CTNNA3: variants seen among roughly 807,000 people sequenced by gnomAD.
The protein encoded by CTNNA3 is catenin alpha-3.
A neutral mutation model predicts 95.7 loss-of-function variants in CTNNA3; 76 were observed. The observed-to-expected ratio is 0.79, with a 90% CI of 0.66 to 0.96. CTNNA3 has a LOEUF of 0.96. CTNNA3 is among the 40% of genes least tolerant of loss of function. The probability of loss-of-function intolerance (pLI) is 0.00; values close to 1 mark genes in which losing one functional copy is unlikely to be tolerated. For synonymous variants in CTNNA3, 431 were observed against 374.4 expected, an observed-to-expected ratio of 1.15 and a Z score of -1.74; for missense variants, 1,191 against 1,089.8, an observed-to-expected ratio of 1.09 and a Z score of -1.31.
chr10:66,716,680 C>G (rs764134304), intron 9 of CTNNA3, among the ~76,000 whole-genome samples: 1 of 152,080 alleles, frequency 6.6e-6, no homozygotes, highest in East Asian at 1.9e-4. Context: ...AGGACAAAGA[C>G]CTTTCTTTCC....
At chr10:67,641,905 G>A (rs1034133837) in intron 2 of CTNNA3, among the ~76,000 whole-genome samples, 17 of 152,186 alleles carry the variant, frequency 1.1e-4, no homozygotes, top group Middle Eastern at 3.4e-3. Context: ...TATACCTAAT[G>A]TAAATGACAA....
At chr10:66,587,212 A>C (rs979861307) in intron 10 of CTNNA3, among the ~76,000 whole-genome samples, 1 of 152,170 alleles carries the variant, frequency 6.6e-6, no homozygotes, top group Non-Finnish European at 1.5e-5. Flanking sequence ...TATTTAGCTA[A>C]GGTAATACTG....
rs533644047 is a variant in CTNNA3, at chr10:67,012,279, G to A, written c.1047+168038C>T. 5 of 152,246 alleles carry A rather than the reference G, an allele frequency of 3.3e-5. No individual in the cohort carries two copies. In the South Asian group the frequency reaches 6.2e-4, roughly 19 times the overall value. 9.4% of individuals were successfully genotyped at this position (152,246 alleles called of 1,614,324 possible). ...CTAGTCCAACCCATTCATTTCATGG[G>A]TAGAGAACTGAAACCCAGAGAAAAT... On this transcript the variant is annotated intron_variant, in intron 7 of 17. Coordinates refer to ENST00000433211, the MANE Select transcript of CTNNA3 (RefSeq NM_013266.4).
intron 5 of CTNNA3, among the ~76,000 whole-genome samples, chr10:67,456,595 G>A (rs1847180873): frequency 1.3e-5 from 2 of 152,114 alleles, no homozygotes; most frequent in Non-Finnish European, 2.9e-5. Context: ...CCACCCTTTA[G>A]GGTTCAAATG....
At chr10:66,389,920 G>C (rs938941275) in intron 11 of CTNNA3, among the ~76,000 whole-genome samples, 1 of 152,038 alleles carries the variant, frequency 6.6e-6, no homozygotes, top group African/African-American at 2.4e-5. Flanking sequence ...ATTTTTTATA[G>C]AGACAGGGTC....
intron 1 of CTNNA3, among the ~76,000 whole-genome samples, chr10:67,742,192 A>T (rs1841344014): frequency 1.3e-5 from 2 of 151,294 alleles, no homozygotes; most frequent in African/African-American, 2.4e-5. Context: ...AATCAACAGA[A>T]TATACATTCT....
chr10:66,827,551 G>C (rs1197631081), intron 7 of CTNNA3, among the ~76,000 whole-genome samples: 1 of 152,130 alleles, frequency 6.6e-6, no homozygotes, highest in Non-Finnish European at 1.5e-5. Context: ...GAGTCTGTTT[G>C]AGTCATGGTT....
intron 7 of CTNNA3, among the ~76,000 whole-genome samples, chr10:66,853,455 C>T (rs1465861281): frequency 1.3e-5 from 2 of 152,106 alleles, no homozygotes; most frequent in African/African-American, 4.8e-5. Context: ...CATGCAAGCA[C>T]ATACTCAACT....
At chr10:66,914,110 G>T (rs1467736217) in intron 7 of CTNNA3, among the ~76,000 whole-genome samples, 3 of 148,450 alleles carry the variant, frequency 2.0e-5, no homozygotes, top group African/African-American at 7.5e-5. Flanking sequence ...CCAAAACCTT[G>T]CCCACTGGCA....
chr10:66,346,770 T>C (rs2092524376), intron 12 of CTNNA3, among the ~76,000 whole-genome samples: 1 of 152,108 alleles, frequency 6.6e-6, no homozygotes, highest in South Asian at 2.1e-4. Flanking sequence ...GTTATTTTTA[T>C]CACATTTCTG....
intron 7 of CTNNA3, among the ~76,000 whole-genome samples, chr10:66,971,990 C>T (rs1589521072): frequency 1.3e-5 from 2 of 151,882 alleles, no homozygotes; most frequent in South Asian, 4.2e-4. Context: ...CTTTAATTAA[C>T]CCCCATGACT....
At chr10:67,229,306 A>G (rs906340569) in intron 5 of CTNNA3, among the ~76,000 whole-genome samples, 1 of 152,188 alleles carries the variant, frequency 6.6e-6, no homozygotes, top group African/African-American at 2.4e-5. Flanking sequence ...TCGGCATACA[A>G]GGGACATACC....
At chr10:66,982,789 T>A (rs1470379634) in intron 7 of CTNNA3, among the ~76,000 whole-genome samples, 1 of 152,118 alleles carries the variant, frequency 6.6e-6, no homozygotes, top group Non-Finnish European at 1.5e-5. Context: ...AATACAGGTA[T>A]GAATGGAGTC....
intron 15 of CTNNA3, among the ~76,000 whole-genome samples, chr10:66,049,930 C>A (rs2079911901): frequency 1.3e-5 from 2 of 151,924 alleles, no homozygotes; most frequent in East Asian, 1.9e-4. Context: ...CACTTTTACA[C>A]CCAAACTTAA....
chr10:66,262,730 T>C (rs2091042462), intron 13 of CTNNA3, among the ~76,000 whole-genome samples: 1 of 152,034 alleles, frequency 6.6e-6, no homozygotes, highest in African/African-American at 2.4e-5. Flanking sequence ...AGGCTAAAAT[T>C]TGTACTATAA....
At chr10:67,324,600 G>A (rs1841465003) in intron 5 of CTNNA3, among the ~76,000 whole-genome samples, 1 of 152,038 alleles carries the variant, frequency 6.6e-6, no homozygotes, top group African/African-American at 2.4e-5. Context: ...ATCGATTATG[G>A]TGGATAATAT....
At chr10:66,448,457 G>C (rs2093439598) in intron 11 of CTNNA3, among the ~76,000 whole-genome samples, 1 of 152,172 alleles carries the variant, frequency 6.6e-6, no homozygotes, top group African/African-American at 2.4e-5. Flanking sequence ...ACTGGATTAA[G>C]AAAATGTGGC....
intron 11 of CTNNA3, among the ~76,000 whole-genome samples, chr10:66,443,958 C>G (rs1317286976): frequency 6.6e-6 from 1 of 152,044 alleles, no homozygotes; most frequent in African/African-American, 2.4e-5. Context: ...ACTAGAATAA[C>G]CAATGCAGAG....
chr10:67,389,408 A>C (rs1368458319), intron 5 of CTNNA3, among the ~76,000 whole-genome samples: 2 of 151,100 alleles, frequency 1.3e-5, no homozygotes, highest in African/African-American at 4.9e-5. Flanking sequence ...CAGATTCATA[A>C]AGCAAGTCCT....
Sources: allele counts gnomAD v4.1 joint callset (sites outside exome capture counted in the v4.1 genomes callset), GRCh38; gene constraint gnomAD v4.1.1; transcripts MANE v1.5; gene names NCBI Gene and HGNC (gene_info 2026-07-23, HGNC 2026-07-21).